Variants in ITGA9 observed in about 807,000 individuals in gnomAD.
ITGA9 encodes integrin subunit alpha 9, also known as integrin alpha-9.
A neutral mutation model predicts 127.8 loss-of-function variants in ITGA9; 56 were observed. The observed-to-expected ratio is 0.44, with a 90% CI of 0.35 to 0.55. The LOEUF is 0.55. Ranked by LOEUF, ITGA9 falls within the 20% of genes least tolerant of loss-of-function variation. The pLI is 0.00. For missense variants in ITGA9, 1,196 were observed against 1,347.1 expected (o/e 0.89, Z 1.76); for synonymous variants, 508 against 514.5 (o/e 0.99, Z 0.17).
intron 14 of ITGA9, among the ~76,000 whole-genome samples, chr3:37,539,779 G>A (rs970816645): frequency 1.3e-5 from 2 of 152,228 alleles, no homozygotes; most frequent in African/African-American, 4.8e-5. Flanking sequence ...GCCAAATAGA[G>A]GGTGTCTTAT....
At chr3:37,661,309 G>A (rs1329047873) in intron 17 of ITGA9, among the ~76,000 whole-genome samples, 6 of 152,164 alleles carry the variant, frequency 3.9e-5, no homozygotes, top group African/African-American at 9.7e-5. Flanking sequence ...CCTTTGGACC[G>A]AAGCTCTCAG....
Position 37,490,964 on chromosome 3 carries a change from CT to C in ITGA9, c.545-3535del, listed in dbSNP as rs1339949729. Among the ~76,000 whole-genome samples, 239 of 101,174 alleles carry C rather than the reference CT, an allele frequency of 2.4e-3. 2 individuals are homozygous for C. The highest frequency in any genetic ancestry group is 7.4e-3 in the African/African-American group (226 of 30,386). The allele number at this position is 101,174 out of a possible 152,430, so 66.4% of individuals were successfully genotyped here. ...CCTATCTTTTGGGTCTCAGATTTGG[CT>C]TCCCCCCCGCTTTTTTTTTTTTTTT... On this transcript the variant is annotated intron_variant, in intron 4 of 27. Coordinates refer to ENST00000264741, the MANE Select transcript of ITGA9 (RefSeq NM_002207.3).
intron 18 of ITGA9, among the ~76,000 whole-genome samples, chr3:37,728,946 A>T (rs1696250824): frequency 6.6e-6 from 1 of 152,008 alleles, no homozygotes; most frequent in Non-Finnish European, 1.5e-5. Context: ...GGAGCTCTGG[A>T]ACATTAATTG....
intron 1 of ITGA9, among the ~76,000 whole-genome samples, chr3:37,463,288 T>TA: frequency 6.6e-6 from 1 of 152,300 alleles, no homozygotes; most frequent in Non-Finnish European, 1.5e-5. Context: ...CCCCAAAACT[T>TA]AGTGGCTTAA....
chr3:37,715,864 C>G (rs1701129770), intron 18 of ITGA9, among the ~76,000 whole-genome samples: 1 of 152,178 alleles, frequency 6.6e-6, no homozygotes, highest in African/African-American at 2.4e-5. Flanking sequence ...GTGGTAGTCT[C>G]TTTCCTGCTA....
chr3:37,550,137 G>A (rs1165928429), intron 15 of ITGA9, among the ~76,000 whole-genome samples: 1 of 152,326 alleles, frequency 6.6e-6, no homozygotes, highest in East Asian at 1.9e-4. Context: ...TTGACAAGTA[G>A]CAGAGGTAGG....
intron 3 of ITGA9, among the ~76,000 whole-genome samples, chr3:37,476,010 A>C (rs2016588232): frequency 6.6e-6 from 1 of 152,228 alleles, no homozygotes; most frequent in Non-Finnish European, 1.5e-5. Flanking sequence ...ATCATGTTGT[A>C]GCATGTGACC....
At chr3:37,775,460 C>T (rs1173942522) in intron 23 of ITGA9, among the ~76,000 whole-genome samples, 5 of 123,042 alleles carry the variant, frequency 4.1e-5, no homozygotes, top group East Asian at 2.4e-4. Context: ...CTGGCTAACA[C>T]GGTGAACCCC....
intron 5 of ITGA9, among the ~76,000 whole-genome samples, chr3:37,502,811 A>C (rs534730438): frequency 1.1e-4 from 16 of 152,206 alleles, no homozygotes; most frequent in Middle Eastern, 3.4e-3. Context: ...ACTGCTTTTC[A>C]TGAGTGGTGT....
At position 37,720,702 on chromosome 3, in the gene ITGA9, G is replaced by A. The variant is rs1198294102; in HGVS notation, c.2068-12010G>A. Among the ~76,000 whole-genome samples, 4 of 152,180 alleles carry A rather than the reference G, an allele frequency of 2.6e-5. No individual in the cohort carries two copies. In the South Asian group the frequency reaches 8.3e-4, roughly 31 times the overall value. ...TACTTTGGGCTTTCTGTTACGACTG[G>A]TTGACTTAGATTTATTTGTTTATTT... On this transcript the variant is annotated intron_variant, in intron 18 of 27. Transcript: ENST00000264741.
intron 18 of ITGA9, among the ~76,000 whole-genome samples, chr3:37,708,537 G>A (rs551188667): frequency 1.4e-5 from 2 of 147,390 alleles, no homozygotes; most frequent in Non-Finnish European, 3.0e-5. Flanking sequence ...CTCAACCAAG[G>A]GTAATTTTGT....
chr3:37,496,402 A>C (rs1309186612), intron 5 of ITGA9, among the ~76,000 whole-genome samples: 1 of 151,524 alleles, frequency 6.6e-6, no homozygotes, highest in South Asian at 2.1e-4. Context: ...CTCTCACCTC[A>C]CTCTCCTACT....
At chr3:37,669,992 A>C (rs1700622011) in intron 17 of ITGA9, among the ~76,000 whole-genome samples, 1 of 152,242 alleles carries the variant, frequency 6.6e-6, no homozygotes, top group South Asian at 2.1e-4. Flanking sequence ...CACCAGGAGC[A>C]CTGGACTCTC....
intron 8 of ITGA9, among the ~76,000 whole-genome samples, chr3:37,511,178 A>C (rs753019972): frequency 6.6e-6 from 1 of 152,210 alleles, no homozygotes; most frequent in Non-Finnish European, 1.5e-5. Flanking sequence ...GAAACAAAGC[A>C]AAAAGATTAA....
chr3:37,500,196 G>A lies in ITGA9; in HGVS notation c.613-2982G>A, dbSNP rs1487750834. On this transcript the variant is annotated intron_variant, in intron 5 of 27. Transcript: ENST00000264741. Reference sequence around the variant, plus strand: ...TTTTTGTACTCTTTCTAGAACTAGCGTGGTCTCTTATGCAGGACAGATGAG... The same window carrying A: ...TTTTTGTACTCTTTCTAGAACTAGCATGGTCTCTTATGCAGGACAGATGAG... 2.6e-5 allele frequency among the ~76,000 whole-genome samples: 4 copies of A among 152,194 alleles called. No individual in the cohort carries two copies. In the South Asian group the frequency reaches 6.2e-4, roughly 24 times the overall value.
intron 27 of ITGA9, among the ~76,000 whole-genome samples, chr3:37,804,925 C>T (rs1350327959): frequency 3.9e-5 from 6 of 152,112 alleles, no homozygotes; most frequent in Non-Finnish European, 7.4e-5. Context: ...TCATTTTGAC[C>T]TTTTTCTCTG....
chr3:37,721,114 CTTTTTT>C (rs35254377), intron 18 of ITGA9, among the ~76,000 whole-genome samples: 3 of 93,252 alleles, frequency 3.2e-5, no homozygotes, highest in Non-Finnish European at 5.8e-5. Flanking sequence ...CTTTTCTTGC[CTTTTTT>C]TTTTTTTTTT....
At chr3:37,595,175 G>A (rs1466028459) in intron 15 of ITGA9, among the ~76,000 whole-genome samples, 2 of 151,842 alleles carry the variant, frequency 1.3e-5, no homozygotes, top group South Asian at 2.1e-4. Flanking sequence ...TACAGTCTCC[G>A]CTCACTGCAG....
chr3:37,637,882 A>G (rs775423044), intron 16 of ITGA9, among the ~76,000 whole-genome samples: 6 of 152,156 alleles, frequency 3.9e-5, no homozygotes, highest in Non-Finnish European at 5.9e-5. Flanking sequence ...TATGTTGGCC[A>G]GGCTGGTCTT....
Sources: gnomAD v4.1 joint callset for allele counts (sites outside exome capture counted in the v4.1 genomes callset) on GRCh38, gnomAD v4.1.1 for gene constraint, MANE v1.5 for transcripts, NCBI Gene and HGNC (gene_info 2026-07-23, HGNC 2026-07-21) for gene names.